NDST3: variants seen among roughly 807,000 people sequenced by gnomAD.
The protein encoded by NDST3 is bifunctional heparan sulfate N-deacetylase/N-sulfotransferase 3.
In NDST3, 58 loss-of-function variants were observed where a neutral mutation model predicts 96.1. The observed-to-expected ratio is 0.60, with a 90% CI of 0.49 to 0.75. NDST3 has a LOEUF of 0.75. NDST3 is among the 30% of genes least tolerant of loss of function. The probability of loss-of-function intolerance (pLI) is 0.00; values close to 1 mark genes in which losing one functional copy is unlikely to be tolerated. For missense variants in NDST3, 788 were observed against 1,034.2 expected (o/e 0.76, Z 3.27); for synonymous variants, 333 against 359.7 (o/e 0.93, Z 0.84).
chr4:118,122,054 T>C (rs1302422376), intron 4 of NDST3, among the ~76,000 whole-genome samples: 1 of 152,204 alleles, frequency 6.6e-6, no homozygotes, highest in Non-Finnish European at 1.5e-5. Context: ...CTAGATTTCA[T>C]CTTCAACACA....
chr4:118,155,061 A>C (rs1272338789), intron 6 of NDST3, among the ~76,000 whole-genome samples: 1 of 152,208 alleles, frequency 6.6e-6, no homozygotes, highest in Non-Finnish European at 1.5e-5. Context: ...TGTTCTCTTT[A>C]TCTTAATACA....
intron 8 of NDST3, 103 bp from the exon 9 acceptor site, chr4:118,232,909 A>G: frequency 8.7e-7 from 1 of 1,143,040 alleles, no homozygotes; most frequent in Non-Finnish European, 1.2e-6. Flanking sequence ...GTTGTAATAA[A>G]TCTGTTTGGA....
chr4:118,108,102 G>A (rs774003024), intron 3 of NDST3, among the ~76,000 whole-genome samples: 12 of 152,118 alleles, frequency 7.9e-5, no homozygotes, highest in South Asian at 2.1e-4. Context: ...ATAAAATCTC[G>A]TGAGACTTCT....
rs565862264 is a variant in NDST3, at chr4:118,234,985, G to A, written c.1943+1850G>A. Among the ~76,000 whole-genome samples, 8 of 151,060 alleles carry A rather than the reference G, an allele frequency of 5.3e-5. No individual in the cohort carries two copies. In the South Asian group the frequency reaches 8.4e-4, roughly 16 times the overall value. On this transcript the variant is annotated intron_variant, in intron 9 of 13. Coordinates refer to ENST00000296499, the MANE Select transcript of NDST3 (RefSeq NM_004784.3). ...GCAGAGGTTGCAATGAGTCAAGATC[G>A]TGCCATTGTACTCCAGCCTGGGTGA... is the stretch of plus-strand genomic sequence containing the variant.
chr4:118,058,867 G>A (rs1163716799), intron 2 of NDST3, among the ~76,000 whole-genome samples: 1 of 152,028 alleles, frequency 6.6e-6, no homozygotes, highest in East Asian at 1.9e-4. Flanking sequence ...TAACCCATGT[G>A]ATCTTTTAGG....
intron 5 of NDST3, among the ~76,000 whole-genome samples, chr4:118,139,230 T>C (rs1165708888): frequency 6.6e-6 from 1 of 152,174 alleles, no homozygotes; most frequent in East Asian, 1.9e-4. Context: ...AAAATGAACC[T>C]ACTGTGGCTC....
intron 6 of NDST3, among the ~76,000 whole-genome samples, chr4:118,220,699 T>G (rs1739481227): frequency 6.6e-6 from 1 of 152,018 alleles, no homozygotes; most frequent in Admixed American, 6.6e-5. Context: ...TTTAGCAATC[T>G]TCTGAACATC....
At position 118,218,902 on chromosome 4, in the gene NDST3, G is replaced by C. The variant is rs1259826084; in HGVS notation, c.1540-5589G>C. ...GAAGCAATCCTATACATCAACAATA[G>C]ACAAGCAGAGAGCCAAATCATGAAT... On this transcript the variant is annotated intron_variant, in intron 6 of 13. Coordinates refer to ENST00000296499, the MANE Select transcript of NDST3 (RefSeq NM_004784.3). 3.9e-5 allele frequency among the ~76,000 whole-genome samples: 6 copies of C among 152,008 alleles called. No homozygotes were observed. The East Asian group carries it at 1.2e-3, about 29-fold the overall frequency.
At chr4:118,226,819 G>T in intron 7 of NDST3, 67 bp from the exon 8 acceptor site, 1 of 1,099,226 alleles carries the variant, frequency 9.1e-7, no homozygotes, top group Non-Finnish European at 1.3e-6. Flanking sequence ...ACACAAGTTG[G>T]AAAAGCTGGC....
intron 2 of NDST3, among the ~76,000 whole-genome samples, chr4:118,081,592 T>C (rs532191411): frequency 8.5e-4 from 129 of 152,294 alleles, no homozygotes; most frequent in African/African-American, 3.1e-3. Flanking sequence ...TTAAACAGAC[T>C]TAGCAGCATC....
intron 6 of NDST3, chr4:118,193,748 G>T: frequency 2.1e-6 from 3 of 1,443,084 alleles, no homozygotes; most frequent in Non-Finnish European, 1.9e-6. Context: ...CAGTTCCAGG[G>T]CCTTGTTACA....
intron 6 of NDST3, among the ~76,000 whole-genome samples, chr4:118,220,518 G>A (rs1739469739): frequency 6.6e-6 from 1 of 151,938 alleles, no homozygotes; most frequent in African/African-American, 2.4e-5. Context: ...TTAAAACCTA[G>A]ATGATGGGTT....
At chr4:118,058,438 A>AAAAC (rs928084886) in intron 2 of NDST3, among the ~76,000 whole-genome samples, 12 of 151,884 alleles carry the variant, frequency 7.9e-5, no homozygotes, top group African/African-American at 2.2e-4. Flanking sequence ...GACAAAAAAA[A>AAAAC]AAAAAAAACA....
chr4:118,135,278 G>A (rs1180381570), intron 4 of NDST3, among the ~76,000 whole-genome samples: 1 of 152,116 alleles, frequency 6.6e-6, no homozygotes, highest in Non-Finnish European at 1.5e-5. Flanking sequence ...GGGTAGTGGG[G>A]TAGAAGTCAG....
At chr4:118,056,729 C>G (rs1725461653) in intron 2 of NDST3, among the ~76,000 whole-genome samples, 1 of 151,898 alleles carries the variant, frequency 6.6e-6, no homozygotes, top group Admixed American at 6.6e-5. Flanking sequence ...CATAGGAAAG[C>G]ACATTGTGCT....
At chr4:118,215,445 G>A (rs1274162669) in intron 6 of NDST3, among the ~76,000 whole-genome samples, 4 of 152,130 alleles carry the variant, frequency 2.6e-5, no homozygotes, top group African/African-American at 9.6e-5. Context: ...GGGATGGTGG[G>A]GACAAAACCC....
chr4:118,214,283 A>ACAGAC (rs1210069797), intron 6 of NDST3, among the ~76,000 whole-genome samples: 2 of 152,172 alleles, frequency 1.3e-5, no homozygotes, highest in African/African-American at 4.8e-5. Context: ...GCATTAAGGT[A>ACAGAC]CAGACTCTAC....
intron 9 of NDST3, among the ~76,000 whole-genome samples, chr4:118,236,418 A>C (rs1740649212): frequency 6.6e-6 from 1 of 152,180 alleles, no homozygotes; most frequent in Admixed American, 6.5e-5. Context: ...AATTTGTTAG[A>C]GTTTTATATT....
chr4:118,033,340 C>G (rs895600194), upstream of NDST3, among the ~76,000 whole-genome samples: 3 of 152,114 alleles, frequency 2.0e-5, no homozygotes, highest in Non-Finnish European at 2.9e-5. Flanking sequence ...AGCGTCGCCT[C>G]GGGGACTCGC....
Sources: allele counts gnomAD v4.1 joint callset (sites outside exome capture counted in the v4.1 genomes callset), GRCh38; gene constraint gnomAD v4.1.1; transcripts MANE v1.5; gene names NCBI Gene and HGNC (gene_info 2026-07-23, HGNC 2026-07-21).